The following EPHA7 variants were observed in gnomAD, a reference collection of about 807,000 sequenced individuals.
EPHA7 encodes the protein EPH receptor A7, also known as ephrin type-A receptor 7.
A neutral mutation model predicts 112.6 loss-of-function variants in EPHA7; 25 were observed. That is an observed-to-expected ratio of 0.22 (90% CI 0.16 to 0.31). EPHA7 has a LOEUF of 0.31. Among genes scored for constraint, EPHA7 ranks in the 10% least tolerant of loss-of-function variants. The pLI, the probability that EPHA7 is intolerant of heterozygous loss-of-function variation, is 1.00. For missense variants in EPHA7, 962 were observed against 1,212.6 expected, an observed-to-expected ratio of 0.79 and a Z score of 3.07; for synonymous variants, 437 against 406.5, an observed-to-expected ratio of 1.07 and a Z score of -0.90.
intron 4 of EPHA7, among the ~76,000 whole-genome samples, chr6:93,357,280 T>C (rs1775996965): frequency 6.6e-6 from 1 of 152,186 alleles, no homozygotes; most frequent in Non-Finnish European, 1.5e-5. Context: ...TATTTTCCTT[T>C]TAATACGTCA....
At position 93,269,598 on chromosome 6, in the gene EPHA7, A is replaced by C. The variant is rs1771110726; in HGVS notation, c.1512T>G (p.Asn504Lys). 6.2e-7 allele frequency: 1 copy of C among 1,602,662 alleles called. No homozygotes were observed. The highest frequency in any genetic ancestry group is 8.5e-7 in the Non-Finnish European group (1 of 1,174,456). The part of the protein sequence containing the change: ...KTKSTSASIN[N>K]LKPGTVYVFQ... ...AAACATACACTGTTCCTGGTTTCAGATTATTAATGGAGGCTGAAGTAGACT... is the reference window on the plus strand; with the variant it reads ...AAACATACACTGTTCCTGGTTTCAGCTTATTAATGGAGGCTGAAGTAGACT... Residue 504 changes from asparagine (N) to lysine (K), a missense_variant, in exon 7 of 17, where the codon AAT becomes AAG. Asn to Lys is a moderately conservative substitution (Grantham distance 94). This residue lies in a region of EPHA7 where 746 missense variants were observed against 889.2 expected (regional missense o/e 0.84). Coordinates refer to ENST00000369303, the MANE Select transcript of EPHA7 (RefSeq NM_004440.4).
rs373334269 is a variant in EPHA7, at chr6:93,324,634, T to C, written c.1324+32083A>G. 3.2e-4 allele frequency among the ~76,000 whole-genome samples: 48 copies of C among 151,548 alleles called. No homozygotes were observed. The East Asian group carries it at 8.3e-3, about 26-fold the overall frequency. On this transcript the variant is annotated intron_variant, in intron 5 of 16. Coordinates refer to ENST00000369303, the MANE Select transcript of EPHA7 (RefSeq NM_004440.4). ...TCAGTTGCCACACTCTAAAAAAATA[T>C]GCGTGTAAGTGTGCTACAGCAAGTA...
Position 93,356,716 on chromosome 6 carries a change from C to A in EPHA7, c.1324+1G>T. ...TCAGTGAAGATAAACACAAAACATA[C>A]CTGCTTGACCAGTGGTGATACTGAC... On this transcript the variant is annotated splice_donor_variant, in intron 5 of 16. Coordinates refer to ENST00000369303, the MANE Select transcript of EPHA7 (RefSeq NM_004440.4). LOFTEE classifies it high-confidence loss of function. 2 of 1,603,298 alleles carry A rather than the reference C, an allele frequency of 1.2e-6. No individual in the cohort carries two copies. Among genetic ancestry groups the A allele is most frequent in the Non-Finnish European group, 8.5e-7 (1 of 1,174,450 alleles).
At chr6:93,412,062 G>A (rs934544528) in intron 2 of EPHA7, among the ~76,000 whole-genome samples, 1 of 151,970 alleles carries the variant, frequency 6.6e-6, no homozygotes, top group African/African-American at 2.4e-5. Context: ...ATAATATTCT[G>A]TCGCTCATTA....
At chr6:93,372,396 A>G (rs1201925166) in intron 3 of EPHA7, among the ~76,000 whole-genome samples, 1 of 152,074 alleles carries the variant, frequency 6.6e-6, no homozygotes, top group Non-Finnish European at 1.5e-5. Flanking sequence ...CAACATGATT[A>G]TTTTGCAGTT....
chr6:93,338,202 C>A (rs1202746445), intron 5 of EPHA7, among the ~76,000 whole-genome samples: 2 of 152,026 alleles, frequency 1.3e-5, no homozygotes, highest in Non-Finnish European at 2.9e-5. Flanking sequence ...CAATTCCATC[C>A]AAATTCAGAG....
intron 3 of EPHA7, among the ~76,000 whole-genome samples, chr6:93,361,294 A>G (rs1776248852): frequency 6.6e-6 from 1 of 152,060 alleles, no homozygotes; most frequent in South Asian, 2.1e-4. Flanking sequence ...CTCAAAGGAA[A>G]CTACCAATTT....
chr6:93,418,596 T>A lies in EPHA7; in HGVS notation c.97+649A>T, dbSNP rs879501107. Among the ~76,000 whole-genome samples, 32 of 152,272 alleles carry A rather than the reference T, an allele frequency of 2.1e-4. No individual in the cohort carries two copies. In the Middle Eastern group the frequency reaches 0.01, roughly 49 times the overall value. ...GCGCAGCGCGCGCTGAATGGAGACA[T>A]CCCCGGCCCTCGGGTCGCGCGCCGC... is the stretch of plus-strand genomic sequence containing the variant. On this transcript the variant is annotated intron_variant, in intron 1 of 16. Transcript: ENST00000369303.
At chr6:93,363,801 G>A (rs1050620303) in intron 3 of EPHA7, among the ~76,000 whole-genome samples, 3 of 152,110 alleles carry the variant, frequency 2.0e-5, no homozygotes, top group African/African-American at 7.2e-5. Flanking sequence ...TAGCCAAAAA[G>A]TGGAAACAAC....
chr6:93,266,242 G>A (rs1287768920), intron 7 of EPHA7, among the ~76,000 whole-genome samples: 1 of 151,548 alleles, frequency 6.6e-6, no homozygotes, highest in East Asian at 1.9e-4. Context: ...GAAAAAGAAT[G>A]GAGTAGTTCC....
intron 5 of EPHA7, among the ~76,000 whole-genome samples, chr6:93,290,008 A>G (rs1375272815): frequency 2.0e-5 from 3 of 152,172 alleles, no homozygotes; most frequent in Non-Finnish European, 4.4e-5. Context: ...TATTTTATAC[A>G]CAACATGCAT....
intron 5 of EPHA7, among the ~76,000 whole-genome samples, chr6:93,353,889 G>C (rs1000129487): frequency 2.0e-5 from 3 of 151,908 alleles, no homozygotes; most frequent in African/African-American, 4.8e-5. Flanking sequence ...CACAAATACT[G>C]GTAAAGGGTC....
chr6:93,267,626 A>G (rs1156480920), intron 7 of EPHA7, among the ~76,000 whole-genome samples: 2 of 151,912 alleles, frequency 1.3e-5, no homozygotes, highest in South Asian at 2.1e-4. Context: ...GAATATATTG[A>G]TAGTAAAAAT....
intron 3 of EPHA7, among the ~76,000 whole-genome samples, chr6:93,397,760 T>C (rs1190441952): frequency 6.6e-6 from 1 of 151,988 alleles, no homozygotes; most frequent in Non-Finnish European, 1.5e-5. Flanking sequence ...CTGTGTAAAT[T>C]ACCCTATATT....
In EPHA7 at chr6:93,255,971, T is replaced by G. The variant is rs766942110; in HGVS notation, c.2239A>C (p.Arg747=). The change falls in exon 13 of 17, where the codon AGA becomes CGA. Residue 747 remains arginine (R), a synonymous_variant. Coordinates refer to ENST00000369303, the MANE Select transcript of EPHA7 (RefSeq NM_004440.4). ...ACATATCCCATATCAGCCAAATATCTCATTCCAGCAGCAATTCCTCTCAGC... is the reference window on the plus strand; with the variant it reads ...ACATATCCCATATCAGCCAAATATCGCATTCCAGCAGCAATTCCTCTCAGC... ...GMLRGIAAGM[R]YLADMGYVHR... 19 of 1,613,974 alleles carry G rather than the reference T, an allele frequency of 1.2e-5. No homozygotes were observed. The highest frequency in any genetic ancestry group is 1.6e-5 in the Non-Finnish European group (19 of 1,180,014).
chr6:93,246,082 C>G (rs889063165), intron 15 of EPHA7, among the ~76,000 whole-genome samples: 2 of 151,138 alleles, frequency 1.3e-5, no homozygotes, highest in African/African-American at 4.9e-5. Context: ...GACGGAGTCT[C>G]GCTCTGTCGC....
chr6:93,252,592 C>T (rs1192294522), intron 14 of EPHA7, among the ~76,000 whole-genome samples: 2 of 151,708 alleles, frequency 1.3e-5, no homozygotes, highest in Admixed American at 1.3e-4. Context: ...AATCATTATC[C>T]TAAATTATCT....
At chr6:93,244,508 A>G (rs1225023762) in intron 16 of EPHA7, among the ~76,000 whole-genome samples, 1 of 152,146 alleles carries the variant, frequency 6.6e-6, no homozygotes, top group African/African-American at 2.4e-5. Flanking sequence ...GACTGAGAGG[A>G]ACTATGTCAC....
At chr6:93,340,738 T>A (rs946909352) in intron 5 of EPHA7, among the ~76,000 whole-genome samples, 1 of 151,994 alleles carries the variant, frequency 6.6e-6, no homozygotes, top group African/African-American at 2.4e-5. Context: ...AAAAGTTCCA[T>A]GTGATTTTTA....
Sources: gnomAD v4.1 joint callset for allele counts (sites outside exome capture counted in the v4.1 genomes callset) on GRCh38, gnomAD v4.1.1 for gene constraint, gnomAD v4.1.1 regional missense constraint, MANE v1.5 for transcripts, NCBI Gene and HGNC (gene_info 2026-07-23, HGNC 2026-07-21) for gene names.